Variants in SDC3 observed in about 807,000 individuals in gnomAD.
SDC3 encodes the protein syndecan 3, also known as syndecan-3.
Under a neutral mutation model 24.4 loss-of-function variants are expected in SDC3, and 13 were observed. That is an observed-to-expected ratio of 0.53 (90% CI 0.35 to 0.85). The LOEUF is 0.85. SDC3 is among the 40% of genes least tolerant of loss of function. SDC3 has a pLI of 0.01. For missense variants in SDC3, 571 were observed against 584.5 expected, an observed-to-expected ratio of 0.98 and a Z score of 0.24; for synonymous variants, 295 against 260.9, an observed-to-expected ratio of 1.13 and a Z score of -1.26.
At chr1:30,883,428 G>T (rs916398724) in intron 1 of SDC3, among the ~76,000 whole-genome samples, 2 of 152,194 alleles carry the variant, frequency 1.3e-5, no homozygotes, top group African/African-American at 4.8e-5. Flanking sequence ...AGCAAGGGGT[G>T]GGGGCCCAGC....
chr1:30,878,837 A>T (rs888605668), intron 1 of SDC3, 97 bp from the exon 2 acceptor site: 1 of 892,328 alleles, frequency 1.1e-6, no homozygotes, highest in Non-Finnish European at 1.9e-6. Context: ...GCTGAGTGAC[A>T]TCCACGTGGG....
intron 1 of SDC3, among the ~76,000 whole-genome samples, chr1:30,906,559 G>A (rs1638523558): frequency 6.6e-6 from 1 of 152,178 alleles, no homozygotes; most frequent in Non-Finnish European, 1.5e-5. Flanking sequence ...TGGCCTCCAA[G>A]TCTAAAGCTT....
intron 2 of SDC3, chr1:30,877,504 G>A (rs1322147346): frequency 1.1e-5 from 6 of 548,412 alleles, no homozygotes; most frequent in South Asian, 2.5e-5. Flanking sequence ...ACTTGCTGGG[G>A]CTTGCAGGGG....
intron 1 of SDC3, among the ~76,000 whole-genome samples, chr1:30,891,649 G>A (rs148262083): frequency 0.02 from 3,046 of 152,044 alleles, 53 homozygotes; most frequent in East Asian, 0.059. Flanking sequence ...AGGCTGAGGC[G>A]GGTGGATCAC....
intron 1 of SDC3, among the ~76,000 whole-genome samples, chr1:30,888,482 C>T (rs1161660233): frequency 6.6e-6 from 1 of 152,188 alleles, no homozygotes; most frequent in Non-Finnish European, 1.5e-5. Context: ...AGGCCCAGAC[C>T]TTCCAGCTGT....
chr1:30,908,432 G>T lies in SDC3; in HGVS notation c.138+17C>A. On this transcript the variant is annotated intron_variant, in intron 1 of 4. Transcript: ENST00000339394. ...CCCCGGGGAGCCGTGGCGGGGATCCGGGCGCGTGTCACTCACCCCCGCGGC... is the reference window on the plus strand; with the variant it reads ...CCCCGGGGAGCCGTGGCGGGGATCCTGGCGCGTGTCACTCACCCCCGCGGC... 1.9e-6 allele frequency: 2 copies of T among 1,030,966 alleles called. No homozygotes were observed. Among genetic ancestry groups the T allele is most frequent in the Non-Finnish European group, 2.3e-6 (2 of 858,424 alleles). 63.9% of individuals were successfully genotyped at this position (1,030,966 alleles called of 1,614,324 possible).
intron 1 of SDC3, among the ~76,000 whole-genome samples, chr1:30,907,205 C>T (rs1245221301): frequency 1.3e-5 from 2 of 152,184 alleles, no homozygotes; most frequent in African/African-American, 4.8e-5. Flanking sequence ...CTGGAACCAA[C>T]CTGGGAGGCT....
At chr1:30,882,433 G>A (rs1414961810) in intron 1 of SDC3, among the ~76,000 whole-genome samples, 1 of 151,966 alleles carries the variant, frequency 6.6e-6, no homozygotes, top group Non-Finnish European at 1.5e-5. Context: ...TGACCCACAG[G>A]CCCCCTCACT....
rs1639658419 is a variant in SDC3, at chr1:30,877,119, T to C, written c.303A>G (p.Pro101=). The C allele has an allele frequency of 6.2e-7, 1 of 1,613,818 alleles. No homozygotes were observed. Among genetic ancestry groups the C allele is most frequent in the Non-Finnish European group, 8.5e-7 (1 of 1,180,002 alleles). Residue 101 remains proline (P), a synonymous_variant, in exon 3 of 5, where the codon CCA becomes CCG. Transcript: ENST00000339394. ...TGGTGGACACCGCCAGGGCTACATCTGGGCTGAAGCGCATGGCTGTCTCAA... is the reference window on the plus strand; with the variant it reads ...TGGTGGACACCGCCAGGGCTACATCCGGGCTGAAGCGCATGGCTGTCTCAA... ...SGIETAMRFS[P]DVALAVSTTP...
chr1:30,901,609 C>A (rs539087888), intron 1 of SDC3, among the ~76,000 whole-genome samples: 1 of 152,152 alleles, frequency 6.6e-6, no homozygotes, highest in Non-Finnish European at 1.5e-5. Context: ...TTAAGTCCTG[C>A]TGGCTCCAAC....
chr1:30,892,020 C>T (rs1639913565), intron 1 of SDC3, among the ~76,000 whole-genome samples: 1 of 152,010 alleles, frequency 6.6e-6, no homozygotes, highest in Non-Finnish European at 1.5e-5. Flanking sequence ...AGTGCTCACC[C>T]CCCCAACCCA....
intron 1 of SDC3, among the ~76,000 whole-genome samples, chr1:30,907,309 G>T (rs1638537027): frequency 6.6e-6 from 1 of 152,160 alleles, no homozygotes; most frequent in Non-Finnish European, 1.5e-5. Flanking sequence ...GGGGGATGAG[G>T]TCCTTCCTTT....
intron 1 of SDC3, among the ~76,000 whole-genome samples, chr1:30,902,930 C>T (rs950509783): frequency 6.6e-5 from 10 of 152,236 alleles, no homozygotes; most frequent in African/African-American, 2.4e-4. Context: ...TCCTTCATTC[C>T]TTTATTCCCT....
At chr1:30,908,337 C>T (rs1570038044) in intron 1 of SDC3, 112 bp downstream of exon 1, 2 of 490,826 alleles carry the variant, frequency 4.1e-6, no homozygotes, top group African/African-American at 3.2e-5. Flanking sequence ...GGGGAAGCAG[C>T]CGGGGGGGAG....
chr1:30,883,342 A>G (rs1639773780), intron 1 of SDC3, among the ~76,000 whole-genome samples: 1 of 152,232 alleles, frequency 6.6e-6, no homozygotes, highest in Non-Finnish European at 1.5e-5. Context: ...ATCGAGTGTA[A>G]TTAGTTCTGC....
chr1:30,874,365 AT>A lies in SDC3; in HGVS notation c.1093del (p.Ile365SerfsTer23). On this transcript the variant is annotated frameshift_variant, in exon 4 of 5. Coordinates refer to ENST00000339394, the MANE Select transcript of SDC3 (RefSeq NM_014654.4). LOFTEE classifies it high-confidence loss of function. ...RPGPGLLDNA[I>X]DSGSSAAQLP... ...CTGAGCAGCTGAGCTGCCCGAGTCG[AT>A]GGCATTGTCCAGGAGGCCAGGGCCC... The A allele has an allele frequency of 1.9e-6, 3 of 1,613,924 alleles. No individual in the cohort carries two copies. Among genetic ancestry groups the A allele is most frequent in the Non-Finnish European group, 2.5e-6 (3 of 1,179,982 alleles).
intron 1 of SDC3, among the ~76,000 whole-genome samples, chr1:30,882,635 G>A (rs555705801): frequency 6.6e-6 from 1 of 152,246 alleles, no homozygotes; most frequent in South Asian, 2.1e-4. Flanking sequence ...CACTTTCACG[G>A]CTACCTCTAC....
intron 1 of SDC3, among the ~76,000 whole-genome samples, chr1:30,902,713 C>T (rs1160909591): frequency 6.6e-6 from 1 of 152,246 alleles, no homozygotes; most frequent in African/African-American, 2.4e-5. Flanking sequence ...TCCAGAGCCA[C>T]AGTCCCTCGG....
intron 1 of SDC3, among the ~76,000 whole-genome samples, chr1:30,892,240 T>C (rs928867054): frequency 2.0e-5 from 3 of 152,072 alleles, no homozygotes; most frequent in Non-Finnish European, 2.9e-5. Flanking sequence ...TGAACGTGGC[T>C]TCCCTGAATC....
Sources: gnomAD v4.1 joint callset for allele counts (sites outside exome capture counted in the v4.1 genomes callset) on GRCh38, gnomAD v4.1.1 for gene constraint, MANE v1.5 for transcripts, NCBI Gene and HGNC (gene_info 2026-07-23, HGNC 2026-07-21) for gene names.